The following IQCM variants were observed in gnomAD, a reference collection of about 807,000 sequenced individuals.
IQCM encodes IQ motif containing M, also known as IQ domain-containing protein M.
A neutral mutation model predicts 57.6 loss-of-function variants in IQCM; 45 were observed. That is an observed-to-expected ratio of 0.78 (90% CI 0.62 to 1.00). IQCM has a LOEUF of 1.00. IQCM is among the 50% of genes least tolerant of loss of function. The pLI, the probability that IQCM is intolerant of heterozygous loss-of-function variation, is 0.00. For missense variants in IQCM, 468 were observed against 511.6 expected (o/e 0.91, Z 0.82); for synonymous variants, 148 against 158.9 (o/e 0.93, Z 0.51).
At chr4:149,710,655 T>G (rs758011738) in intron 5 of IQCM, among the ~76,000 whole-genome samples, 5 of 152,162 alleles carry the variant, frequency 3.3e-5, no homozygotes, top group Non-Finnish European at 7.4e-5. Context: ...ATCCCAAAGC[T>G]AATATTCTAA....
chr4:149,710,041 A>G (rs1462367050), intron 5 of IQCM, among the ~76,000 whole-genome samples: 1 of 152,174 alleles, frequency 6.6e-6, no homozygotes, highest in Non-Finnish European at 1.5e-5. Flanking sequence ...GAATGATCCA[A>G]ATTTAATGTC....
intron 12 of IQCM, among the ~76,000 whole-genome samples, chr4:149,502,157 C>T (rs1023685125): frequency 5.9e-5 from 9 of 151,772 alleles, no homozygotes. Context: ...TATATACACA[C>T]ACACACACAC....
intron 12 of IQCM, among the ~76,000 whole-genome samples, chr4:149,489,786 T>C (rs959080661): frequency 2.4e-4 from 36 of 151,474 alleles, no homozygotes; most frequent in Admixed American, 2.0e-3. Flanking sequence ...TGTATATATA[T>C]ACACACACAC....
chr4:149,622,356 T>TC (rs1756418318), intron 7 of IQCM, among the ~76,000 whole-genome samples: 1 of 151,510 alleles, frequency 6.6e-6, no homozygotes, highest in Admixed American at 6.6e-5. Flanking sequence ...TTTATTTTTT[T>TC]TTTGGAGACG....
chr4:149,487,849 C>G lies in IQCM; in HGVS notation c.1229-54292G>C, dbSNP rs370054477. Among the ~76,000 whole-genome samples, 417 of 152,234 alleles carry G rather than the reference C, an allele frequency of 2.7e-3. 2 individuals carry two copies. The highest frequency in any genetic ancestry group is 4.6e-3 in the Non-Finnish European group (316 of 67,998). On this transcript the variant is annotated intron_variant, in intron 12 of 13. Coordinates refer to ENST00000636793, the MANE Select transcript of IQCM (RefSeq NM_001363507.2). Reference sequence around the variant, plus strand: ...ATACTGGCGATTCAAGACTCTCTCTCTCTCCTGCCCAGCTCAGTGCTTTTT... The same window carrying G: ...ATACTGGCGATTCAAGACTCTCTCTGTCTCCTGCCCAGCTCAGTGCTTTTT...
chr4:149,602,798 A>AT (rs1210388676), intron 8 of IQCM, among the ~76,000 whole-genome samples: 1 of 152,002 alleles, frequency 6.6e-6, no homozygotes, highest in Non-Finnish European at 1.5e-5. Context: ...ATGATTATCT[A>AT]TTTTTTGTTG....
At chr4:149,811,052 T>C (rs1323606139) in intron 2 of IQCM, among the ~76,000 whole-genome samples, 1 of 152,206 alleles carries the variant, frequency 6.6e-6, no homozygotes, top group Non-Finnish European at 1.5e-5. Context: ...GATACTGTTC[T>C]ATAAGAAGAA....
intron 7 of IQCM, among the ~76,000 whole-genome samples, chr4:149,652,601 G>A (rs999525380): frequency 4.0e-5 from 6 of 151,718 alleles, no homozygotes; most frequent in South Asian, 2.1e-4. Context: ...TAGAAAGTAC[G>A]ACTTGAGCCA....
intron 12 of IQCM, among the ~76,000 whole-genome samples, chr4:149,498,118 T>C (rs1240739224): frequency 2.0e-5 from 3 of 152,142 alleles, no homozygotes; most frequent in Non-Finnish European, 1.5e-5. Context: ...GCATTAGGAA[T>C]GTAAGATAGA....
intron 7 of IQCM, among the ~76,000 whole-genome samples, chr4:149,649,300 G>A (rs188062705): frequency 2.5e-4 from 38 of 152,032 alleles, no homozygotes; most frequent in Middle Eastern, 3.4e-3. Flanking sequence ...TTAATGCAGC[G>A]AGGGTCTTTT....
At chr4:149,554,575 A>G (rs2149911480) in intron 10 of IQCM, among the ~76,000 whole-genome samples, 1 of 151,800 alleles carries the variant, frequency 6.6e-6, no homozygotes, top group Non-Finnish European at 1.5e-5. Flanking sequence ...CGGCCTCCCA[A>G]AGTGCTGGGA....
chr4:149,530,583 A>T (rs1027703155), intron 12 of IQCM, among the ~76,000 whole-genome samples: 2 of 152,316 alleles, frequency 1.3e-5, no homozygotes, highest in African/African-American at 4.8e-5. Context: ...GAAATAGATT[A>T]AATCCCAAAT....
intron 8 of IQCM, among the ~76,000 whole-genome samples, chr4:149,613,222 C>T (rs11946942): frequency 0.2 from 29,996 of 150,942 alleles, 3,420 homozygotes; most frequent in South Asian, 0.33. Flanking sequence ...GAAGAAAAAG[C>T]GCAAAGAGAA....
chr4:149,612,758 C>T (rs1265885724), intron 8 of IQCM, among the ~76,000 whole-genome samples: 1 of 151,870 alleles, frequency 6.6e-6, no homozygotes, highest in Non-Finnish European at 1.5e-5. Flanking sequence ...CGAAGAGATT[C>T]ATACATTAAT....
At chr4:149,677,296 C>T (rs1761831562) in intron 7 of IQCM, among the ~76,000 whole-genome samples, 1 of 152,106 alleles carries the variant, frequency 6.6e-6, no homozygotes, top group African/African-American at 2.4e-5. Flanking sequence ...ACAACTTGGC[C>T]AAAGGCCAAA....
Position 149,498,102 on chromosome 4 carries a change from A to T in IQCM, c.1228+50353T>A, listed in dbSNP as rs2149787612. Among the ~76,000 whole-genome samples the T allele has an allele frequency of 2.6e-5, 4 of 152,276 alleles. No homozygotes were observed. The South Asian group carries it at 8.3e-4, about 32-fold the overall frequency. ...ACCCAACTCCAGGTCCACCCTGTTT[A>T]AACAGGCATTAGGAATGTAAGATAG... On this transcript the variant is annotated intron_variant, in intron 12 of 13. Transcript: ENST00000636793.
chr4:149,416,697 T>C (rs1733773341), intron 13 of IQCM, among the ~76,000 whole-genome samples: 2 of 151,938 alleles, frequency 1.3e-5, no homozygotes, highest in African/African-American at 4.8e-5. Flanking sequence ...TAATTTTAGG[T>C]ATTGATTAGA....
Position 149,772,862 on chromosome 4 carries a change from CTT to C in IQCM, c.-48-30125_-48-30124del, listed in dbSNP as rs1378250778. Among the ~76,000 whole-genome samples, 11 of 152,208 alleles carry C rather than the reference CTT, an allele frequency of 7.2e-5. No individual in the cohort carries two copies. In the East Asian group the frequency reaches 1.2e-3, roughly 16 times the overall value. Reference sequence around the variant, plus strand: ...CTTTGTGGAACATGTTTATTAAACACTTTGTGTATAAACACTTTGTGGAACAT... The same window carrying C: ...CTTTGTGGAACATGTTTATTAAACACTGTGTATAAACACTTTGTGGAACAT... On this transcript the variant is annotated intron_variant, in intron 2 of 13. Transcript: ENST00000636793.
intron 13 of IQCM, among the ~76,000 whole-genome samples, chr4:149,361,590 G>C (rs891311499): frequency 2.0e-5 from 3 of 152,210 alleles, no homozygotes; most frequent in Non-Finnish European, 4.4e-5. Flanking sequence ...GGCTTCAGAG[G>C]TTGCAAGCCC....
Sources: gnomAD v4.1 joint callset for allele counts (sites outside exome capture counted in the v4.1 genomes callset) on GRCh38, gnomAD v4.1.1 for gene constraint, MANE v1.5 for transcripts, NCBI Gene and HGNC (gene_info 2026-07-23, HGNC 2026-07-21) for gene names.